Variants in NBPF26 observed in about 807,000 individuals in gnomAD.
The protein encoded by NBPF26 is NBPF member 26.
NBPF26 carries 79 observed loss-of-function variants against 119.6 expected under a neutral mutation model. The observed-to-expected ratio is 0.66, with a 90% CI of 0.55 to 0.80. The LOEUF (loss-of-function observed/expected upper bound fraction) is 0.80. Ranked by LOEUF, NBPF26 falls within the 30% of genes least tolerant of loss-of-function variation. The pLI is 0.00. For missense variants in NBPF26, 800 were observed against 1,198.2 expected, an observed-to-expected ratio of 0.67 and a Z score of 4.91; for synonymous variants, 299 against 457.7, an observed-to-expected ratio of 0.65 and a Z score of 4.43.
intron 4 of NBPF26, 126 bp downstream of exon 4, chr1:120,793,622 G>C: frequency 1.4e-6 from 1 of 697,524 alleles, no homozygotes; most frequent in Non-Finnish European, 2.4e-6. Flanking sequence ...TGTGTGGGGT[G>C]GGTTGCTAGT....
At chr1:120,810,144 T>G (rs1651822933) in intron 8 of NBPF26, among the ~76,000 whole-genome samples, 1 of 122,984 alleles carries the variant, frequency 8.1e-6, no homozygotes, top group South Asian at 2.3e-4. Context: ...GAACACCAGC[T>G]GCTCTCTTCC....
At position 120,764,072 on chromosome 1, in the gene NBPF26, C is replaced by T. The variant is rs1476981314; in HGVS notation, c.155+363C>T. On this transcript the variant is annotated intron_variant, in intron 2 of 29. Transcript: ENST00000620612. Reference sequence around the variant, plus strand: ...GATCAGCCTGGCCAACATAGTGAAACCCTATCTCTACTAAAAATACAAAAA... The same window carrying T: ...GATCAGCCTGGCCAACATAGTGAAATCCTATCTCTACTAAAAATACAAAAA... Among the ~76,000 whole-genome samples the T allele has an allele frequency of 5.4e-4, 60 of 110,240 alleles. 9 individuals carry two copies. The East Asian group carries it at 0.012, about 22-fold the overall frequency. 72.3% of individuals were successfully genotyped at this position (110,240 alleles called of 152,430 possible). A position where few individuals can be genotyped will look rare whatever the true frequency, so the allele number is the denominator to read the frequency against.
rs1167578794 is a variant in NBPF26, at chr1:120,806,982, A to T, written c.962-625A>T. 2.4e-5 allele frequency among the ~76,000 whole-genome samples: 3 copies of T among 127,188 alleles called. 1 individual carries two copies. The highest frequency in any genetic ancestry group is 1.5e-4 in the Admixed American group (2 of 13,322). The allele number at this position is 127,188 out of a possible 152,430, so 83.4% of individuals were successfully genotyped here. A position where few individuals can be genotyped will look rare whatever the true frequency, so the allele number is the denominator to read the frequency against. On this transcript the variant is annotated intron_variant, in intron 5 of 29. Transcript: ENST00000620612. ...TTCTAAATTAACACTAACTAAGCTT[A>T]TGCTGTTTCTAAATTAACACAACTA...
In NBPF26 at chr1:120,817,084, G is replaced by T. The variant is rs1360366335; in HGVS notation, c.2371+257G>T. Among the ~76,000 whole-genome samples, 3 of 117,444 alleles carry T rather than the reference G, an allele frequency of 2.6e-5. 1 individual carries two copies. Among genetic ancestry groups the T allele is most frequent in the African/African-American group, 1.5e-4 (3 of 20,198 alleles). 77.0% of individuals were successfully genotyped at this position (117,444 alleles called of 152,430 possible). On this transcript the variant is annotated intron_variant, in intron 14 of 29. Coordinates refer to ENST00000620612, the Ensembl canonical transcript of NBPF26. ...TGCAGGAGGTGCACAGGCAGTATCT[G>T]TCAGGCCTCCTAGCTTCGATTCAAT...
chr1:120,789,586 G>A (rs1258780385), intron 3 of NBPF26, among the ~76,000 whole-genome samples: 1 of 93,676 alleles, frequency 1.1e-5, no homozygotes, highest in Non-Finnish European at 1.9e-5. Context: ...CCATGATACA[G>A]TTACCCCACT....
In NBPF26 at chr1:120,785,194, C is replaced by T. The variant is rs1354824084; in HGVS notation, c.376C>T (p.Arg126Trp). The stretch of plus-strand genomic sequence containing the variant: ...TGGCGGCACATGCCATATGCTCAGC[C>T]GGGATACCTATGAGTGCACCTGTCA... The change falls in exon 3 of 30, where the codon CGG (arginine) becomes TGG (tryptophan). Residue 126 changes from arginine (R) to tryptophan (W), a missense_variant. Arg to Trp is a moderately radical substitution (Grantham distance 101, BLOSUM62 -3). Coordinates refer to ENST00000620612, the Ensembl canonical transcript of NBPF26. 1.5e-5 allele frequency: 21 copies of T among 1,445,206 alleles called. 4 individuals carry two copies. The highest frequency in any genetic ancestry group is 7.8e-5 in the African/African-American group (3 of 38,302). 89.5% of individuals were successfully genotyped at this position (1,445,206 alleles called of 1,614,324 possible).
chr1:120,760,543 C>T lies in NBPF26; in HGVS notation c.74-3085C>T, dbSNP rs1651125981. 5.1e-5 allele frequency among the ~76,000 whole-genome samples: 2 copies of T among 39,566 alleles called. 1 individual carries two copies. The allele number at this position is 39,566 out of a possible 152,430, so 26.0% of individuals were successfully genotyped here. A position where few individuals can be genotyped will look rare whatever the true frequency, so the allele number is the denominator to read the frequency against. ...CCATAACTTGGTATGGGTGTACAGA[C>T]ATCTTTTCAATAAACTGATTTAAAA... On this transcript the variant is annotated intron_variant, in intron 1 of 29. Transcript: ENST00000620612.
At chr1:120,833,201 T>A (rs1369604581) in intron 23 of NBPF26, among the ~76,000 whole-genome samples, 1 of 117,952 alleles carries the variant, frequency 8.5e-6, no homozygotes, top group African/African-American at 4.7e-5. Context: ...CTTCAAAAGC[T>A]GTACTCTCAT....
exon 4 of NBPF26, chr1:120,793,454 C>G: frequency 7.0e-7 from 1 of 1,433,386 alleles, no homozygotes; most frequent in Non-Finnish European, 9.3e-7. Context: ...AGGCACCTGT[C>G]GGCAGACTGG....
rs1553271629 is a variant in NBPF26, at chr1:120,815,289, A to G, written c.2092+246A>G. 2.4e-3 allele frequency among the ~76,000 whole-genome samples: 275 copies of G among 116,692 alleles called. 84 individuals are homozygous for G. The highest frequency in any genetic ancestry group is 0.012 in the African/African-American group (234 of 19,752). 76.6% of individuals were successfully genotyped at this position (116,692 alleles called of 152,430 possible). ...GTCTTTGGAGCAAGAGGCAGCATCT[A>G]TCTAGTTTTAAAGGACAGGAAGGAG... On this transcript the variant is annotated intron_variant, in intron 12 of 29. Transcript: ENST00000620612.
Position 120,805,635 on chromosome 1 carries a change from G to T in NBPF26, c.831G>T (p.Met277Ile). The T allele has an allele frequency of 1.4e-6, 2 of 1,461,968 alleles. 1 individual carries two copies. Among genetic ancestry groups the T allele is most frequent in the Non-Finnish European group, 1.8e-6 (2 of 1,081,094 alleles). 90.6% of individuals were successfully genotyped at this position (1,461,968 alleles called of 1,614,324 possible). The change falls in exon 5 of 30, where the codon ATG (methionine) becomes ATT (isoleucine). Residue 277 changes from methionine (M) to isoleucine (I), a missense_variant. Met to Ile is a conservative substitution (Grantham distance 10, BLOSUM62 1). Around this residue, in one of 13 missense-constraint regions of NBPF26, gnomAD observed 155 missense variants for 143.7 expected, o/e 1.08. Transcript: ENST00000620612. ...ATTGGTCCAGTGAGAAGGCAGAGATGAACATTCTAGAAATCAACGAGACAT... is the reference window on the plus strand; with the variant it reads ...ATTGGTCCAGTGAGAAGGCAGAGATTAACATTCTAGAAATCAACGAGACAT...
At chr1:120,763,510 A>G in intron 1 of NBPF26, 118 bp from the exon 2 acceptor site, 3 of 480,312 alleles carry the variant, frequency 6.2e-6, no homozygotes, top group Non-Finnish European at 1.1e-5. Context: ...TTAAAACTCT[A>G]AAAAGAAACC....
chr1:120,724,100 G>T lies in NBPF26; in HGVS notation c.-78G>T, dbSNP rs1196590821. 8 of 1,332,252 alleles carry T rather than the reference G, an allele frequency of 6.0e-6. 2 individuals carry two copies. The highest frequency in any genetic ancestry group is 7.7e-6 in the Non-Finnish European group (8 of 1,033,784). The allele number at this position is 1,332,252 out of a possible 1,614,324, so 82.5% of individuals were successfully genotyped here. A position where few individuals can be genotyped will look rare whatever the true frequency, so the allele number is the denominator to read the frequency against. On this transcript the variant is annotated 5_prime_UTR_variant, in exon 1 of 30. Transcript: ENST00000620612. The stretch of plus-strand genomic sequence containing the variant: ...GAGGAGAGAGTGGGGCTCCTCTATC[G>T]GGACCCCCTCCCCATGTGGATCTGC...
chr1:120,825,275 G>A (rs1442559821), intron 18 of NBPF26, among the ~76,000 whole-genome samples: 1 of 122,404 alleles, frequency 8.2e-6, no homozygotes, highest in East Asian at 2.1e-4. Flanking sequence ...GTGTCACCCG[G>A]CCAATTCACT....
In NBPF26 at chr1:120,802,799, G is replaced by A. The variant is rs1330131081; in HGVS notation, c.752-2757G>A. Among the ~76,000 whole-genome samples, 4 of 114,992 alleles carry A rather than the reference G, an allele frequency of 3.5e-5. 1 individual carries two copies. The highest frequency in any genetic ancestry group is 5.1e-5 in the African/African-American group (1 of 19,678). The allele number at this position is 114,992 out of a possible 152,430, so 75.4% of individuals were successfully genotyped here. ...GACAGTTGTGTTCACTAGATCAGAG[G>A]CATTGAGACATGAAGAACAGACCCT... On this transcript the variant is annotated intron_variant, in intron 4 of 29. Coordinates refer to ENST00000620612, the Ensembl canonical transcript of NBPF26.
chr1:120,822,092 C>T lies in NBPF26; in HGVS notation c.2424-12C>T. 6.9e-7 allele frequency: 1 copy of T among 1,446,798 alleles called. No individual in the cohort carries two copies. The highest frequency in any genetic ancestry group is 9.2e-7 in the Non-Finnish European group (1 of 1,081,768). 89.6% of individuals were successfully genotyped at this position (1,446,798 alleles called of 1,614,324 possible). On this transcript the variant is annotated splice_polypyrimidine_tract_variant and intron_variant, in intron 15 of 29. Coordinates refer to ENST00000620612, the Ensembl canonical transcript of NBPF26. ...AAATCTTCTGTCATCCCTGTCCTGC[C>T]TGGCTCATCAGGAATCTGCAGGAGT...
At chr1:120,798,609 A>ATTTTC (rs1202034115) in intron 4 of NBPF26, among the ~76,000 whole-genome samples, 1,124 of 86,710 alleles carry the variant, frequency 0.013, 19 homozygotes, top group African/African-American at 0.05. Flanking sequence ...GGCATGCGTC[A>ATTTTC]TTTTCTTTTC....
intron 4 of NBPF26, among the ~76,000 whole-genome samples, chr1:120,794,446 G>A: frequency 8.6e-6 from 1 of 115,842 alleles, no homozygotes; most frequent in Non-Finnish European, 1.6e-5. Flanking sequence ...AACAAAAGAA[G>A]GAAAACTGTA....
intron 18 of NBPF26, among the ~76,000 whole-genome samples, chr1:120,824,471 A>C (rs1403705602): frequency 9.6e-5 from 9 of 94,182 alleles, no homozygotes; most frequent in Non-Finnish European, 1.5e-4. Context: ...TTCATCCTTC[A>C]CTCTAATTTC....
Sources: allele counts gnomAD v4.1 joint callset (sites outside exome capture counted in the v4.1 genomes callset), GRCh38; gene constraint gnomAD v4.1.1; regional missense constraint gnomAD v4.1.1; transcripts MANE v1.5; gene names NCBI Gene and HGNC (gene_info 2026-07-23, HGNC 2026-07-21).